ESCO1: variants seen among roughly 807,000 people sequenced by gnomAD.
The protein encoded by ESCO1 is establishment of sister chromatid cohesion N-acetyltransferase 1.
A neutral mutation model predicts 83.5 loss-of-function variants in ESCO1; 33 were observed. The observed-to-expected ratio is 0.40, with a 90% CI of 0.30 to 0.53. The LOEUF (loss-of-function observed/expected upper bound fraction) is 0.53. ESCO1 is among the 20% of genes least tolerant of loss of function. The pLI is 0.63. For synonymous variants in ESCO1, 332 were observed against 324.3 expected (o/e 1.02, Z -0.25); for missense variants, 855 against 968.0 (o/e 0.88, Z 1.55).
Position 21,573,829 on chromosome 18 carries a change from T to C in ESCO1, c.1015A>G (p.Ile339Val). 2 of 1,614,026 alleles carry C rather than the reference T, an allele frequency of 1.2e-6. No individual in the cohort carries two copies. Among genetic ancestry groups the C allele is most frequent in the South Asian group, 1.1e-5 (1 of 91,056 alleles). ...ESVKEEKPTEIKLEETSVERQ... is the reference protein window; with the variant it reads ...ESVKEEKPTEVKLEETSVERQ... ...TCAACACTGGTCTCTTCCAATTTTATTTCTGTGGGCTTTTCTTCCTTTACA... is the reference window on the plus strand; with the variant it reads ...TCAACACTGGTCTCTTCCAATTTTACTTCTGTGGGCTTTTCTTCCTTTACA... Residue 339 changes from isoleucine to valine, a missense_variant, in exon 4 of 12, where the codon ATA becomes GTA. Transcript: ENST00000269214.
chr18:21,552,919 G>A (rs1220506338), intron 8 of ESCO1, among the ~76,000 whole-genome samples: 1 of 152,204 alleles, frequency 6.6e-6, no homozygotes, highest in Admixed American at 6.5e-5. Context: ...GACATTTTAA[G>A]TATACCAAAG....
intron 1 of ESCO1, among the ~76,000 whole-genome samples, chr18:21,595,211 C>T (rs2038744958): frequency 6.6e-6 from 1 of 151,692 alleles, no homozygotes; most frequent in African/African-American, 2.4e-5. Flanking sequence ...ATATTCCCAC[C>T]CTCAAATAGC....
chr18:21,544,049 G>A (rs966882124), intron 8 of ESCO1, among the ~76,000 whole-genome samples: 4 of 152,116 alleles, frequency 2.6e-5, no homozygotes, highest in Middle Eastern at 3.2e-3. Flanking sequence ...TGAGGAAGGC[G>A]GATCACAAGG....
At chr18:21,556,203 A>G (rs1205194072) in intron 8 of ESCO1, among the ~76,000 whole-genome samples, 4 of 152,166 alleles carry the variant, frequency 2.6e-5, no homozygotes, top group Admixed American at 1.3e-4. Flanking sequence ...ACAGTGAGCT[A>G]TAACTGTGCC....
intron 8 of ESCO1, among the ~76,000 whole-genome samples, chr18:21,541,954 A>T (rs1309565057): frequency 6.6e-6 from 1 of 152,158 alleles, no homozygotes; most frequent in Admixed American, 6.5e-5. Context: ...CATTAGACAA[A>T]TTATTTTGCT....
chr18:21,554,854 G>A (rs2038092445), intron 8 of ESCO1, among the ~76,000 whole-genome samples: 1 of 152,058 alleles, frequency 6.6e-6, no homozygotes, highest in African/African-American at 2.4e-5. Context: ...GTTTCAGTGA[G>A]CAGAGATCAT....
At chr18:21,558,375 G>A (rs2038139377) in intron 8 of ESCO1, among the ~76,000 whole-genome samples, 1 of 151,804 alleles carries the variant, frequency 6.6e-6, no homozygotes, top group Non-Finnish European at 1.5e-5. Context: ...TTATTAATCT[G>A]CCTAGAAAAA....
intron 6 of ESCO1, among the ~76,000 whole-genome samples, chr18:21,565,037 C>T (rs1434103196): frequency 6.6e-6 from 1 of 152,106 alleles, no homozygotes; most frequent in Non-Finnish European, 1.5e-5. Flanking sequence ...AATCACGCCA[C>T]TGCACTCCAG....
chr18:21,547,342 C>T (rs2037986799), intron 8 of ESCO1, among the ~76,000 whole-genome samples: 1 of 118,950 alleles, frequency 8.4e-6, no homozygotes, highest in Admixed American at 1.1e-4. Flanking sequence ...ACTGTCATTG[C>T]TTACAGATTT....
chr18:21,571,692 C>A (rs533100627), intron 4 of ESCO1, among the ~76,000 whole-genome samples: 42 of 152,132 alleles, frequency 2.8e-4, no homozygotes, highest in Non-Finnish European at 5.6e-4. Context: ...TTTTGACAGG[C>A]ATTTATGCAG....
rs571301868 is a variant in ESCO1 at position 21,579,254 on chromosome 18, A to G, written c.-693-3477T>C. Among the ~76,000 whole-genome samples the G allele has an allele frequency of 2.2e-4, 34 of 151,696 alleles. 2 individuals carry two copies. The East Asian group carries it at 6.8e-3, about 30-fold the overall frequency. On this transcript the variant is annotated intron_variant, in intron 2 of 11. Coordinates refer to ENST00000269214, the MANE Select transcript of ESCO1 (RefSeq NM_052911.3). ...AGTGATCCACCCACTTTGGCCTCCC[A>G]AAGTGCTAGGATTATAGGCATGAGC...
At chr18:21,580,622 C>T (rs2038488391) in intron 2 of ESCO1, among the ~76,000 whole-genome samples, 1 of 152,136 alleles carries the variant, frequency 6.6e-6, no homozygotes, top group African/African-American at 2.4e-5. Context: ...TGAGACTGCA[C>T]ATGTGTGTGC....
At chr18:21,582,631 T>C (rs1459087865) in intron 2 of ESCO1, among the ~76,000 whole-genome samples, 1 of 152,210 alleles carries the variant, frequency 6.6e-6, no homozygotes, top group Non-Finnish European at 1.5e-5. Flanking sequence ...GGAAAAATAC[T>C]GGCAAGAAAT....
At chr18:21,567,502 G>T (rs1478803176) in intron 5 of ESCO1, among the ~76,000 whole-genome samples, 4 of 151,950 alleles carry the variant, frequency 2.6e-5, no homozygotes, top group East Asian at 3.9e-4. Flanking sequence ...AGTTCACAAG[G>T]TTCCAAAACT....
At chr18:21,552,472 T>C (rs1230344020) in intron 8 of ESCO1, among the ~76,000 whole-genome samples, 6 of 152,204 alleles carry the variant, frequency 3.9e-5, no homozygotes, top group Non-Finnish European at 7.3e-5. Context: ...CCTGACACCA[T>C]GTGAAGAAGG....
intron 11 of ESCO1, among the ~76,000 whole-genome samples, chr18:21,531,780 C>T (rs2037770042): frequency 6.6e-6 from 1 of 150,936 alleles, no homozygotes; most frequent in African/African-American, 2.4e-5. Flanking sequence ...GTAATCCCAA[C>T]TACTTGGGAG....
chr18:21,544,381 C>T lies in ESCO1; in HGVS notation c.1954-4372G>A, dbSNP rs183919106. ...CAGCACTTTTGGGGGCCAAGGCAGG[C>T]GGATTACCTGAGGTCAGAAGTTCGA... On this transcript the variant is annotated intron_variant, in intron 8 of 11. Transcript: ENST00000269214. Among the ~76,000 whole-genome samples, 5 of 150,820 alleles carry T rather than the reference C, an allele frequency of 3.3e-5. No homozygotes were observed. In the East Asian group the frequency reaches 7.8e-4, roughly 23 times the overall value.
chr18:21,541,456 G>A (rs1432237142), intron 8 of ESCO1, among the ~76,000 whole-genome samples: 1 of 151,964 alleles, frequency 6.6e-6, no homozygotes, highest in Non-Finnish European at 1.5e-5. Flanking sequence ...AGGCGGGTGT[G>A]GTGGCACGCG....
chr18:21,564,127 T>C (rs949376349), intron 7 of ESCO1, 76 bp downstream of exon 7: 11 of 946,444 alleles, frequency 1.2e-5, no homozygotes, highest in Non-Finnish European at 1.8e-5. Context: ...ACCTCAGATA[T>C]CGTATTATAG....
Sources: gnomAD v4.1 joint callset for allele counts (sites outside exome capture counted in the v4.1 genomes callset) on GRCh38, gnomAD v4.1.1 for gene constraint, MANE v1.5 for transcripts, NCBI Gene and HGNC (gene_info 2026-07-23, HGNC 2026-07-21) for gene names.